The following MNAT1 variants were observed in gnomAD, a reference collection of about 807,000 sequenced individuals.
MNAT1 encodes the protein MNAT1 component of CDK activating kinase.
In MNAT1, 43 loss-of-function variants were observed where a neutral mutation model predicts 42.0. The ratio of observed to expected loss-of-function variants is 1.02; its 90% CI spans 0.80 to 1.32. The LOEUF is 1.32. Among genes scored for constraint, MNAT1 ranks in the 40% most tolerant of loss-of-function variants. The pLI, the probability that MNAT1 is intolerant of heterozygous loss-of-function variation, is 0.00. For synonymous variants in MNAT1, 118 were observed against 120.0 expected, an observed-to-expected ratio of 0.98 and a Z score of 0.11; for missense variants, 306 against 350.4, an observed-to-expected ratio of 0.87 and a Z score of 1.01.
At chr14:60,943,045 TGTGTGCGC>T (rs1566571989) in intron 7 of MNAT1, among the ~76,000 whole-genome samples, 5 of 93,480 alleles carry the variant, frequency 5.3e-5, no homozygotes, top group African/African-American at 1.2e-4. Context: ...TGTGTGTGTG[TGTGTGCGC>T]TTTTTTTTTT....
At chr14:60,874,135 C>T (rs1470900288) in intron 6 of MNAT1, among the ~76,000 whole-genome samples, 2 of 152,188 alleles carry the variant, frequency 1.3e-5, no homozygotes, top group Admixed American at 1.3e-4. Context: ...TATTCACGCT[C>T]TCTTTTCATA....
intron 1 of MNAT1, among the ~76,000 whole-genome samples, chr14:60,747,613 C>T (rs1449224433): frequency 1.3e-5 from 2 of 152,082 alleles, no homozygotes; most frequent in African/African-American, 4.8e-5. Context: ...GGAAGTTGTT[C>T]TGGGTGAGTC....
chr14:60,765,493 C>T lies in MNAT1; in HGVS notation c.89+30542C>T, dbSNP rs1188435089. 3.3e-5 allele frequency among the ~76,000 whole-genome samples: 5 copies of T among 152,046 alleles called. No individual in the cohort carries two copies. The East Asian group carries it at 9.6e-4, about 29-fold the overall frequency. ...TTATGTAACAAACCTGCACGTTCTGCACATGTATCCCAGAACTTAAAGTAT... is the reference window on the plus strand; with the variant it reads ...TTATGTAACAAACCTGCACGTTCTGTACATGTATCCCAGAACTTAAAGTAT... On this transcript the variant is annotated intron_variant, in intron 1 of 7. Coordinates refer to ENST00000261245, the MANE Select transcript of MNAT1 (RefSeq NM_002431.4).
intron 7 of MNAT1, among the ~76,000 whole-genome samples, chr14:60,914,960 C>G (rs2035480196): frequency 6.6e-6 from 1 of 152,174 alleles, no homozygotes; most frequent in Non-Finnish European, 1.5e-5. Flanking sequence ...AAAATGTGGA[C>G]TAGATGACCA....
chr14:60,883,479 G>C (rs571039748), intron 7 of MNAT1, among the ~76,000 whole-genome samples: 2 of 152,022 alleles, frequency 1.3e-5, no homozygotes, highest in Admixed American at 6.6e-5. Context: ...AGTTACTATA[G>C]CTCTGTAGTA....
At chr14:60,936,193 G>A (rs1250386233) in intron 7 of MNAT1, among the ~76,000 whole-genome samples, 1 of 152,122 alleles carries the variant, frequency 6.6e-6, no homozygotes, top group Non-Finnish European at 1.5e-5. Context: ...TTGTGGGGCT[G>A]TTCAGAGATT....
chr14:60,893,632 G>A lies in MNAT1; in HGVS notation c.809+13797G>A, dbSNP rs117477357. Among the ~76,000 whole-genome samples, 209 of 152,206 alleles carry A rather than the reference G, an allele frequency of 1.4e-3. 3 individuals carry two copies. In the East Asian group the frequency reaches 0.038, roughly 27 times the overall value. The stretch of plus-strand genomic sequence containing the variant: ...TTGGTTTTGGTTTTTTGTTGCTCCA[G>A]TTCCTATCAATGTACCACAGGCTTC... On this transcript the variant is annotated intron_variant, in intron 7 of 7. Coordinates refer to ENST00000261245, the MANE Select transcript of MNAT1 (RefSeq NM_002431.4).
chr14:60,740,911 A>G lies in MNAT1; in HGVS notation c.89+5960A>G, dbSNP rs920739026. On this transcript the variant is annotated intron_variant, in intron 1 of 7. Coordinates refer to ENST00000261245, the MANE Select transcript of MNAT1 (RefSeq NM_002431.4). The surrounding 1 kb of genome is among the most constrained non-coding windows in gnomAD (Gnocchi z 4.1). ...ACCCATCTTGGTTGATAGCATTACCAGATCTTCTGTATCTTTATTAATTTA... is the reference window on the plus strand; with the variant it reads ...ACCCATCTTGGTTGATAGCATTACCGGATCTTCTGTATCTTTATTAATTTA... Among the ~76,000 whole-genome samples the G allele has an allele frequency of 4.6e-5, 7 of 152,208 alleles. No homozygotes were observed. The highest frequency in any genetic ancestry group is 1.7e-4 in the African/African-American group (7 of 41,454).
intron 6 of MNAT1, among the ~76,000 whole-genome samples, chr14:60,854,036 A>G (rs904626277): frequency 6.6e-6 from 1 of 152,016 alleles, no homozygotes; most frequent in Admixed American, 6.6e-5. Context: ...TTCATGCCTC[A>G]TTTCAGTAAG....
intron 7 of MNAT1, among the ~76,000 whole-genome samples, chr14:60,882,298 T>A (rs1204967725): frequency 6.6e-6 from 1 of 152,124 alleles, no homozygotes; most frequent in African/African-American, 2.4e-5. Context: ...TCAGTTCAAT[T>A]TTTAGCTTCC....
At chr14:60,807,722 C>T (rs1420320568) in intron 3 of MNAT1, among the ~76,000 whole-genome samples, 2 of 151,980 alleles carry the variant, frequency 1.3e-5, no homozygotes, top group African/African-American at 2.4e-5. Context: ...AAACATGTCT[C>T]AGTGGTTCTC....
Position 60,777,714 on chromosome 14 carries a change from T to G in MNAT1, c.90-18503T>G, listed in dbSNP as rs150218343. ...AAAGGTTATCTCTACACTGATACCT[T>G]TCATGTTTACATCTTTGTTTACCAT... On this transcript the variant is annotated intron_variant, in intron 1 of 7. Transcript: ENST00000261245. Among the ~76,000 whole-genome samples the G allele has an allele frequency of 5.1e-3, 779 of 152,238 alleles. 2 individuals carry two copies. The highest frequency in any genetic ancestry group is 0.018 in the African/African-American group (732 of 41,534).
intron 7 of MNAT1, among the ~76,000 whole-genome samples, chr14:60,903,487 A>G (rs1280706552): frequency 1.3e-5 from 2 of 152,222 alleles, no homozygotes; most frequent in Non-Finnish European, 2.9e-5. Context: ...TAAGAAATTT[A>G]AATTTAATCA....
chr14:60,938,638 A>AT (rs2036064898), intron 7 of MNAT1, among the ~76,000 whole-genome samples: 1 of 152,074 alleles, frequency 6.6e-6, no homozygotes, highest in African/African-American at 2.4e-5. Flanking sequence ...GTTTGCCAGT[A>AT]TTTTTTTGAG....
chr14:60,826,344 T>G (rs2033057355), intron 6 of MNAT1, among the ~76,000 whole-genome samples: 1 of 136,222 alleles, frequency 7.3e-6, no homozygotes, highest in East Asian at 2.2e-4. Context: ...TGAGATGGAG[T>G]CTCACTCTGT....
intron 7 of MNAT1, among the ~76,000 whole-genome samples, chr14:60,890,633 GCAAAC>G (rs1030327621): frequency 5.9e-5 from 9 of 152,168 alleles, no homozygotes; most frequent in Non-Finnish European, 1.2e-4. Context: ...AGTGCCCCTG[GCAAAC>G]CACTGGTTTA....
At chr14:60,880,609 A>C (rs1449409234) in intron 7 of MNAT1, among the ~76,000 whole-genome samples, 3 of 152,196 alleles carry the variant, frequency 2.0e-5, no homozygotes, top group African/African-American at 7.2e-5. Flanking sequence ...CAATAGAAAA[A>C]GTCAGAGACC....
intron 6 of MNAT1, among the ~76,000 whole-genome samples, chr14:60,849,316 A>G (rs555828594): frequency 1.3e-5 from 2 of 152,314 alleles, no homozygotes; most frequent in South Asian, 2.1e-4. Flanking sequence ...CTTCTTACAG[A>G]TCATTGCTTA....
intron 7 of MNAT1, among the ~76,000 whole-genome samples, chr14:60,888,125 G>GT (rs1462811860): frequency 3.6e-4 from 53 of 145,270 alleles, no homozygotes; most frequent in African/African-American, 1.0e-3. Flanking sequence ...TGATACCAAA[G>GT]CTGGGCAGAG....
Sources: gnomAD v4.1 joint callset for allele counts (sites outside exome capture counted in the v4.1 genomes callset) on GRCh38, gnomAD v4.1.1 for gene constraint, Gnocchi (gnomAD v3.1) non-coding constraint, MANE v1.5 for transcripts, NCBI Gene and HGNC (gene_info 2026-07-23, HGNC 2026-07-21) for gene names.